CRYBG1: variants seen among roughly 807,000 people sequenced by gnomAD.
CRYBG1 encodes the protein crystallin beta-gamma domain containing 1.
CRYBG1 carries 139 observed loss-of-function variants against 189.2 expected under a neutral mutation model. The ratio of observed to expected loss-of-function variants is 0.73; its 90% CI spans 0.64 to 0.85. The LOEUF (loss-of-function observed/expected upper bound fraction) is 0.85, where lower values mean the gene tolerates loss of function less well. CRYBG1 is among the 40% of genes least tolerant of loss of function. The pLI, the probability that CRYBG1 is intolerant of heterozygous loss-of-function variation, is 0.00. For missense variants in CRYBG1, 2,611 were observed against 2,675.8 expected, an observed-to-expected ratio of 0.98 and a Z score of 0.53; for synonymous variants, 1,023 against 1,017.1, an observed-to-expected ratio of 1.01 and a Z score of -0.11.
chr6:106,479,576 A>G (rs1348232561), intron 2 of CRYBG1, among the ~76,000 whole-genome samples: 2 of 152,188 alleles, frequency 1.3e-5, no homozygotes, highest in African/African-American at 4.8e-5. Context: ...TTTTCCCTAC[A>G]TCCTCACCAA....
chr6:106,429,121 T>TC (rs397746683), intron 1 of CRYBG1, among the ~76,000 whole-genome samples: 1 of 152,008 alleles, frequency 6.6e-6, no homozygotes, highest in Non-Finnish European at 1.5e-5. Context: ...TTTTAACCTT[T>TC]GGCAAAATTA....
chr6:106,393,402 G>A (rs983748001), intron 1 of CRYBG1, among the ~76,000 whole-genome samples: 24 of 80,494 alleles, frequency 3.0e-4, no homozygotes, highest in Admixed American at 2.9e-3. Context: ...CTAACATAGT[G>A]GTGAGCAAAT....
chr6:106,368,010 G>A (rs934974692), intron 1 of CRYBG1, among the ~76,000 whole-genome samples: 3 of 152,098 alleles, frequency 2.0e-5, no homozygotes, highest in African/African-American at 7.2e-5. Flanking sequence ...GTGAGTTGCT[G>A]CTGTAGTATT....
chr6:106,557,256 C>G (rs1774570216), intron 17 of CRYBG1, among the ~76,000 whole-genome samples: 1 of 152,212 alleles, frequency 6.6e-6, no homozygotes, highest in African/African-American at 2.4e-5. Context: ...ACCACACAAA[C>G]TACTTCTACA....
chr6:106,521,388 C>G lies in CRYBG1; in HGVS notation c.4180C>G (p.Leu1394Val). 6.2e-7 allele frequency: 1 copy of G among 1,612,024 alleles called. No homozygotes were observed. The highest frequency in any genetic ancestry group is 1.7e-5 in the Admixed American group (1 of 59,536). Reference sequence around the variant, plus strand: ...AAACAGTGACACCGACTTCATGGGTCTTTTCAAATCAAGCCGGTATGACCC... The same window carrying G: ...AAACAGTGACACCGACTTCATGGGTGTTTTCAAATCAAGCCGGTATGACCC... ...CANSDTDFMG[L>V]FKSSRYDPSI... Residue 1394 changes from leucine to valine, a missense_variant, in exon 4 of 22, where the codon CTT becomes GTT. Leu to Val is a conservative substitution (Grantham distance 32). Around this residue, in one of 3 missense-constraint regions of CRYBG1, gnomAD observed 1,622 missense variants for 1,735.0 expected, o/e 0.93. Transcript: ENST00000633556.
intron 1 of CRYBG1, among the ~76,000 whole-genome samples, chr6:106,426,961 A>G (rs1036445986): frequency 6.6e-6 from 1 of 152,158 alleles, no homozygotes; most frequent in African/African-American, 2.4e-5. Flanking sequence ...ACATCTCGCA[A>G]CGCCTCCAGG....
At chr6:106,473,683 T>C (rs1226599671) in intron 2 of CRYBG1, among the ~76,000 whole-genome samples, 2 of 152,230 alleles carry the variant, frequency 1.3e-5, no homozygotes, top group Non-Finnish European at 2.9e-5. Flanking sequence ...TGCCATTCCT[T>C]TCTTGAATGG....
In CRYBG1 at chr6:106,503,841, G is replaced by T. The variant is rs148122570; in HGVS notation, c.313-7589G>T. Among the ~76,000 whole-genome samples the T allele has an allele frequency of 6.5e-4, 99 of 152,082 alleles. 1 individual carries two copies. In the East Asian group the frequency reaches 0.017, roughly 26 times the overall value. On this transcript the variant is annotated intron_variant, in intron 2 of 21. Coordinates refer to ENST00000633556, the MANE Select transcript of CRYBG1 (RefSeq NM_001371242.2). Reference sequence around the variant, plus strand: ...TTTAAAAGAAGCTTTTTGGGAGAATGAAATTATAATTATAAATTATAAATT... The same window carrying T: ...TTTAAAAGAAGCTTTTTGGGAGAATTAAATTATAATTATAAATTATAAATT...
At chr6:106,419,203 CA>C (rs1771080838) in intron 1 of CRYBG1, among the ~76,000 whole-genome samples, 1 of 152,186 alleles carries the variant, frequency 6.6e-6, no homozygotes, top group Non-Finnish European at 1.5e-5. Flanking sequence ...TCTATGTCTG[CA>C]GCTCAATTTT....
At position 106,370,995 on chromosome 6, in the gene CRYBG1, T is replaced by C. The variant is rs558611566; in HGVS notation, c.173+9914T>C. ...TTTCTACTATAATTAGTACCTCACC[T>C]ACTACCTAAAAAAAGCCAACAAAAA... On this transcript the variant is annotated intron_variant, in intron 1 of 21. Coordinates refer to ENST00000633556, the MANE Select transcript of CRYBG1 (RefSeq NM_001371242.2). 1.7e-4 allele frequency among the ~76,000 whole-genome samples: 26 copies of C among 152,266 alleles called. No homozygotes were observed. In the East Asian group the frequency reaches 5.0e-3, roughly 29 times the overall value.
At chr6:106,499,200 T>A (rs1772932162) in intron 2 of CRYBG1, among the ~76,000 whole-genome samples, 1 of 148,090 alleles carries the variant, frequency 6.8e-6, no homozygotes, top group Admixed American at 6.8e-5. Context: ...TCTCCCAGGC[T>A]GGAGTGCAGT....
rs1195262585 is a variant in CRYBG1 at position 106,521,510 on chromosome 6, GGAT to G, written c.4245+63_4245+65del. On this transcript the variant is annotated intron_variant, in intron 4 of 21. Transcript: ENST00000633556. ...GTATTTTTAAAGCAAGGGAAGAGAA[GGAT>G]GATGAGCAACTCATGTTATTCTTTT... The G allele has an allele frequency of 1.7e-5, 25 of 1,475,472 alleles. No individual in the cohort carries two copies. In the East Asian group the frequency reaches 4.1e-4, roughly 24 times the overall value. 91.4% of individuals were successfully genotyped at this position (1,475,472 alleles called of 1,614,324 possible). A position where few individuals can be genotyped will look rare whatever the true frequency, so the allele number is the denominator to read the frequency against.
intron 1 of CRYBG1, among the ~76,000 whole-genome samples, chr6:106,367,464 G>A (rs1295296802): frequency 6.6e-6 from 1 of 151,196 alleles, no homozygotes; most frequent in African/African-American, 2.4e-5. Flanking sequence ...GCATACGCCT[G>A]TAATCCCGTC....
At chr6:106,392,940 A>T (rs533246050) in intron 1 of CRYBG1, among the ~76,000 whole-genome samples, 216 of 151,964 alleles carry the variant, frequency 1.4e-3, no homozygotes, top group Non-Finnish European at 2.2e-3. Context: ...ACACTTGGCT[A>T]ATTTTTGTAT....
intron 21 of CRYBG1, among the ~76,000 whole-genome samples, chr6:106,564,161 CAGACA>C (rs1774805186): frequency 1.3e-5 from 2 of 151,976 alleles, no homozygotes; most frequent in East Asian, 1.9e-4. Flanking sequence ...CCCAGTTTTA[CAGACA>C]AAACAACAAC....
At position 106,552,188 on chromosome 6, in the gene CRYBG1, C is replaced by A. The variant is rs772247383; in HGVS notation, c.5444C>A (p.Ser1815Tyr). The A allele has an allele frequency of 4.7e-5, 75 of 1,586,222 alleles. 3 individuals carry two copies. In the South Asian group the frequency reaches 7.8e-4, roughly 17 times the overall value. The change falls in exon 15 of 22, where the codon TCT (serine) becomes TAT (tyrosine). Residue 1815 changes from serine (S) to tyrosine (Y), a missense_variant. Transcript: ENST00000633556. ...CCTTCCTTTAAAAATTTTTAGGATT[C>A]TTTCACTGGCCCAAGGAGACGAAAT... The part of the protein sequence containing the change: ...ISSVQPICLD[S>Y]FTGPRRRNQI...
rs1774078897 is a variant in CRYBG1 at position 106,539,388 on chromosome 6, A to G, written c.4719-15A>G. On this transcript the variant is annotated splice_polypyrimidine_tract_variant and intron_variant, in intron 8 of 21. Transcript: ENST00000633556. ...GAGTCGGCTCCCTTTCTTTCCTTCC[A>G]TGGTGGCTATTTAGGTGGCTGATTT... is the stretch of plus-strand genomic sequence containing the variant. 4 of 1,613,038 alleles carry G rather than the reference A, an allele frequency of 2.5e-6. No individual in the cohort carries two copies. In the East Asian group the frequency reaches 6.7e-5, roughly 27 times the overall value.
intron 1 of CRYBG1, among the ~76,000 whole-genome samples, chr6:106,402,749 C>T (rs1770744890): frequency 6.6e-6 from 1 of 152,046 alleles, no homozygotes; most frequent in South Asian, 2.1e-4. Flanking sequence ...ATGGTGGAGA[C>T]ATGTCAGGAA....
chr6:106,515,967 T>TA (rs1172657354), intron 3 of CRYBG1, among the ~76,000 whole-genome samples: 1 of 151,536 alleles, frequency 6.6e-6, no homozygotes, highest in East Asian at 1.9e-4. Context: ...AATTTTTGTA[T>TA]TTTTTTAGAG....
Sources: allele counts gnomAD v4.1 joint callset (sites outside exome capture counted in the v4.1 genomes callset), GRCh38; gene constraint gnomAD v4.1.1; regional missense constraint gnomAD v4.1.1; transcripts MANE v1.5; gene names NCBI Gene and HGNC (gene_info 2026-07-23, HGNC 2026-07-21).